The following TTLL8 variants were observed in gnomAD, a reference collection of about 807,000 sequenced individuals.
TTLL8 encodes the protein protein monoglycylase TTLL8.
A neutral mutation model predicts 77.8 loss-of-function variants in TTLL8; 65 were observed. That is an observed-to-expected ratio of 0.84 (90% CI 0.68 to 1.03). TTLL8 has a LOEUF of 1.03. TTLL8 is among the 50% of genes least tolerant of loss of function. The pLI is 0.00. For missense variants in TTLL8, 910 were observed against 1,004.5 expected (o/e 0.91, Z 1.27); for synonymous variants, 402 against 422.8 (o/e 0.95, Z 0.60).
intron 10 of TTLL8, chr22:50,032,988 G>T: frequency 4.2e-6 from 1 of 237,890 alleles, no homozygotes; most frequent in Non-Finnish European, 6.8e-6. Flanking sequence ...AGCGTGGGGT[G>T]TAGGGCGCTG....
At chr22:50,047,120 C>T (rs751680229) in intron 4 of TTLL8, 48 bp downstream of exon 6, 8 of 1,360,930 alleles carry the variant, frequency 5.9e-6, no homozygotes, top group Non-Finnish European at 7.8e-6. Context: ...GAAGCTCCTC[C>T]CCACCACCCT....
intron 6 of TTLL8, among the ~76,000 whole-genome samples, chr22:50,042,353 G>A (rs1025693537): frequency 1.3e-5 from 2 of 151,832 alleles, no homozygotes; most frequent in African/African-American, 4.8e-5. Flanking sequence ...TTTTGCTCTT[G>A]TCGCCCAGGC....
chr22:50,057,125 T>G (rs2061475125), upstream of TTLL8, among the ~76,000 whole-genome samples: 1 of 107,068 alleles, frequency 9.3e-6, no homozygotes, highest in African/African-American at 4.1e-5. Context: ...GGATGAGGTC[T>G]GGAGTTGGGA....
chr22:50,049,524 T>C (rs867038184), intron 2 of TTLL8, among the ~76,000 whole-genome samples: 11 of 152,178 alleles, frequency 7.2e-5, no homozygotes, highest in African/African-American at 1.7e-4. Context: ...ATACATCCAA[T>C]GAGCGTCCAC....
At chr22:50,020,781 G>A (rs530815379) in intron 12 of TTLL8, among the ~76,000 whole-genome samples, 566 of 140,514 alleles carry the variant, frequency 4.0e-3, no homozygotes, top group African/African-American at 0.015. Context: ...TTCATCTGAC[G>A]TGCACTCCGC....
chr22:50,019,993 T>C (rs1458450265), intron 12 of TTLL8, among the ~76,000 whole-genome samples: 1 of 152,128 alleles, frequency 6.6e-6, no homozygotes, highest in Non-Finnish European at 1.5e-5. Context: ...TTAGTAACAA[T>C]CTGAAAACTC....
At chr22:50,051,522 C>A (rs545222677) in intron 1 of TTLL8, among the ~76,000 whole-genome samples, 158 of 152,322 alleles carry the variant, frequency 1.0e-3, no homozygotes, top group Non-Finnish European at 1.9e-3. Flanking sequence ...TTTTTTGTAT[C>A]ATGACTTCTT....
At chr22:50,024,704 G>A (rs1162601768) in intron 12 of TTLL8, among the ~76,000 whole-genome samples, 1 of 152,184 alleles carries the variant, frequency 6.6e-6, no homozygotes, top group African/African-American at 2.4e-5. Context: ...ACAAAGACAA[G>A]GTTGGGAGTT....
intron 12 of TTLL8, among the ~76,000 whole-genome samples, chr22:50,025,104 G>A (rs1198393270): frequency 6.6e-6 from 1 of 152,100 alleles, no homozygotes; most frequent in Non-Finnish European, 1.5e-5. Flanking sequence ...AAACCATAAA[G>A]CTTGTCGAAG....
At chr22:50,047,221 T>A (rs760070018) in exon 4 of TTLL8, 37 of 1,367,468 alleles carry the variant, frequency 2.7e-5, no homozygotes, top group Non-Finnish European at 3.6e-5. Context: ...TGGTCGTAGG[T>A]CAGGCTGTGA....
chr22:50,026,834 A>G (rs935256954), intron 12 of TTLL8, among the ~76,000 whole-genome samples: 8 of 152,204 alleles, frequency 5.3e-5, no homozygotes, highest in Non-Finnish European at 7.3e-5. Context: ...CATCTAATGA[A>G]TGACATGCCA....
intron 1 of TTLL8, among the ~76,000 whole-genome samples, chr22:50,054,198 C>G (rs1302331856): frequency 6.6e-6 from 1 of 152,156 alleles, no homozygotes; most frequent in Non-Finnish European, 1.5e-5. Flanking sequence ...GCCTTCTGAG[C>G]AGTGGAAATC....
chr22:50,026,074 C>T (rs971204865), intron 12 of TTLL8, among the ~76,000 whole-genome samples: 2 of 152,244 alleles, frequency 1.3e-5, no homozygotes, highest in Admixed American at 1.3e-4. Flanking sequence ...AAGGCCAGAA[C>T]AGGATGATCA....
intron 6 of TTLL8, among the ~76,000 whole-genome samples, chr22:50,043,422 G>A (rs369374037): frequency 0.013 from 622 of 49,512 alleles, 2 homozygotes; most frequent in Non-Finnish European, 0.015. Flanking sequence ...TGGATAGATA[G>A]ATAAACAGTG....
intron 4 of TTLL8, among the ~76,000 whole-genome samples, chr22:50,046,767 G>C (rs1296118634): frequency 1.3e-5 from 2 of 152,258 alleles, no homozygotes; most frequent in East Asian, 3.8e-4. Context: ...TGGTGGGAAG[G>C]GTGTGGCAAG....
At position 50,041,803 on chromosome 22, in the gene TTLL8, A is replaced by AGCAT. The variant is rs757567430; in HGVS notation, c.644_647dup (p.Glu217CysfsTer2). On this transcript the variant is annotated frameshift_variant, in exon 7 of 14. Coordinates refer to ENST00000266182, the Ensembl canonical transcript of TTLL8. LOFTEE classifies it high-confidence loss of function. This position sits in a 1 kb window ranked among gnomAD's most constrained non-coding sequence, Gnocchi z 4.3. ...CCCTGAGCTTTGCCTCAGCATTTTC[A>AGCAT]GCATCTGAAACCCAGACACAGGCAC... The AGCAT allele has an allele frequency of 7.3e-7, 1 of 1,360,650 alleles. No individual in the cohort carries two copies. The highest frequency in any genetic ancestry group is 1.2e-5 in the South Asian group (1 of 86,680). 84.3% of individuals were successfully genotyped at this position (1,360,650 alleles called of 1,614,324 possible).
At chr22:50,030,627 G>T (rs1306395549) in exon 12 of TTLL8, 2 of 1,293,306 alleles carry the variant, frequency 1.5e-6, no homozygotes, top group East Asian at 9.6e-5. Context: ...AGCAGCTTTG[G>T]TGCGGGTGGG....
At chr22:50,030,537 G>A (rs772415245) in exon 12 of TTLL8, 1 of 1,326,144 alleles carries the variant, frequency 7.5e-7, no homozygotes. Flanking sequence ...GCTTTTGGCG[G>A]GCTGGGCTAC....
chr22:50,031,666 CA>C lies in TTLL8; in HGVS notation c.1707+19del, dbSNP rs1328222072. ...CATGGCGGGCGGCCACCAAAGTCCC[CA>C]GGGGCGGGCGTGGCTCACCTGCCTC... On this transcript the variant is annotated intron_variant, in intron 11 of 13. Coordinates refer to ENST00000266182, the Ensembl canonical transcript of TTLL8. 3 of 1,256,060 alleles carry C rather than the reference CA, an allele frequency of 2.4e-6. No individual in the cohort carries two copies. The highest frequency in any genetic ancestry group is 2.1e-6 in the Non-Finnish European group (2 of 965,834). 77.8% of individuals were successfully genotyped at this position (1,256,060 alleles called of 1,614,324 possible).
Sources: allele counts gnomAD v4.1 joint callset (sites outside exome capture counted in the v4.1 genomes callset), GRCh38; gene constraint gnomAD v4.1.1; non-coding constraint Gnocchi (gnomAD v3.1); transcripts MANE v1.5; gene names NCBI Gene and HGNC (gene_info 2026-07-23, HGNC 2026-07-21).